PROSER2: variants seen among roughly 807,000 people sequenced by gnomAD.
PROSER2 encodes proline and serine rich 2.
A neutral mutation model predicts 14.6 loss-of-function variants in PROSER2; 18 were observed. The observed-to-expected ratio is 1.23, with a 90% CI of 0.85 to 1.83. The LOEUF is 1.83. Ranked by LOEUF, PROSER2 falls within the 40% of genes most tolerant of loss-of-function variation. The probability of loss-of-function intolerance (pLI) is 0.00; values close to 1 mark genes in which losing one functional copy is unlikely to be tolerated. For synonymous variants in PROSER2, 367 were observed against 286.4 expected (o/e 1.28, Z -2.84); for missense variants, 823 against 629.8 (o/e 1.31, Z -3.28).
intron 1 of PROSER2, chr10:11,850,431 A>G (rs10906027): frequency 0.25 from 37,301 of 152,182 alleles, 4,792 homozygotes; most frequent in East Asian, 0.36. Context: ...CGGGATGGGA[A>G]AAGGAGGGCT....
chr10:11,869,899 C>G lies in PROSER2; in HGVS notation c.801C>G (p.Pro267=). ...IIVTNGAARE[P]RRTLSRAAVS... is the part of the protein sequence containing the mutation. Reference sequence around the variant, plus strand: ...TCACCAACGGCGCGGCCCGGGAGCCCCGCAGGACCCTGTCCAGGGCGGCCG... The same window carrying G: ...TCACCAACGGCGCGGCCCGGGAGCCGCGCAGGACCCTGTCCAGGGCGGCCG... Residue 267 remains proline, a synonymous_variant, in exon 4 of 4, where the codon CCC becomes CCG. Coordinates refer to ENST00000277570, the MANE Select transcript of PROSER2 (RefSeq NM_153256.4). The surrounding 1 kb of genome is among the most constrained non-coding windows in gnomAD (Gnocchi z 4.4). 6.3e-7 allele frequency: 1 copy of G among 1,587,574 alleles called. No individual in the cohort carries two copies. Among genetic ancestry groups the G allele is most frequent in the Non-Finnish European group, 8.5e-7 (1 of 1,169,786 alleles).
At chr10:11,827,989 CTT>C (rs1480966497) in intron 1 of PROSER2, among the ~76,000 whole-genome samples, 1 of 152,012 alleles carries the variant, frequency 6.6e-6, no homozygotes, top group Non-Finnish European at 1.5e-5. Flanking sequence ...ATACATGTCT[CTT>C]TGTGATGTGC....
At chr10:11,863,233 T>C (rs948750698) in intron 2 of PROSER2, among the ~76,000 whole-genome samples, 2 of 152,160 alleles carry the variant, frequency 1.3e-5, no homozygotes, top group Admixed American at 6.6e-5. Flanking sequence ...AACTATAGTC[T>C]CTGAAATTGT....
chr10:11,869,496 C>T lies in PROSER2; in HGVS notation c.398C>T (p.Ala133Val). Residue 133 changes from alanine to valine, a missense_variant, in exon 4 of 4, where the codon GCA (alanine) becomes GTA (valine). Coordinates refer to ENST00000277570, the MANE Select transcript of PROSER2 (RefSeq NM_153256.4). This position sits in a 1 kb window ranked among gnomAD's most constrained non-coding sequence, Gnocchi z 4.4. ...LPEGTQAAGP[A>V]PAGKEHRKQD... ...CTCCTCCCTTGTCTTCCAGGGCCTG[C>T]ACCTGCTGGGAAGGAGCACAGGAAA... 1.2e-6 allele frequency: 2 copies of T among 1,612,750 alleles called. No individual in the cohort carries two copies. Among genetic ancestry groups the T allele is most frequent in the African/African-American group, 1.3e-5 (1 of 74,960 alleles).
At chr10:11,857,910 C>G (rs148235483) in intron 2 of PROSER2, among the ~76,000 whole-genome samples, 145 of 152,240 alleles carry the variant, frequency 9.5e-4, no homozygotes, top group Non-Finnish European at 1.5e-3. Context: ...CCACAATTGT[C>G]TTAGTCTGCA....
chr10:11,848,815 A>AC (rs1833966628), intron 1 of PROSER2, among the ~76,000 whole-genome samples: 1 of 152,192 alleles, frequency 6.6e-6, no homozygotes, highest in Non-Finnish European at 1.5e-5. Context: ...AAACAGGCTT[A>AC]CATTTCCACA....
rs1425858794 is a variant in PROSER2, at chr10:11,866,731, AGCACCTGGC to A, written c.342_350del (p.Pro115_Ala117del). On this transcript the variant is annotated inframe_deletion, in exon 3 of 4. Coordinates refer to ENST00000277570, the MANE Select transcript of PROSER2 (RefSeq NM_153256.4). The surrounding 1 kb of genome is among the most constrained non-coding windows in gnomAD (Gnocchi z 6.0). The stretch of plus-strand genomic sequence containing the variant: ...AAGATGTCATCGACTTAGTGCAGCC[AGCACCTGGC>A]GCCGGGGAAGCCGAGGGCCTTCCAG... The A allele has an allele frequency of 5.0e-6, 8 of 1,613,730 alleles. No individual in the cohort carries two copies. The highest frequency in any genetic ancestry group is 6.8e-6 in the Non-Finnish European group (8 of 1,179,972).
chr10:11,862,893 C>T lies in PROSER2; in HGVS notation c.139-3638C>T. ...CACTGAAAATCACAGTGAAATATGA[C>T]TGCATTCCTCTCCTTCAGGGCGCTA... On this transcript the variant is annotated intron_variant, in intron 2 of 3. Transcript: ENST00000277570. The surrounding 1 kb of genome is among the most constrained non-coding windows in gnomAD (Gnocchi z 4.2). 6.6e-6 allele frequency: 1 copy of T among 152,154 alleles called. No homozygotes were observed. Among genetic ancestry groups the T allele is most frequent in the Non-Finnish European group, 1.5e-5 (1 of 68,042 alleles). 9.4% of individuals were successfully genotyped at this position (152,154 alleles called of 1,614,324 possible).
Position 11,829,113 on chromosome 10 carries a change from G to A in PROSER2, c.-82+5643G>A, listed in dbSNP as rs750502180. ...GTTGCAGTGGCAGATCTTGTTTCCC[G>A]GCTCTCCTGTGGAGTAGACGTTTAC... On this transcript the variant is annotated intron_variant, in intron 1 of 3. Coordinates refer to ENST00000277570, the MANE Select transcript of PROSER2 (RefSeq NM_153256.4). 1.1e-4 allele frequency among the ~76,000 whole-genome samples: 16 copies of A among 152,026 alleles called. No homozygotes were observed. The South Asian group carries it at 1.7e-3, about 16-fold the overall frequency.
In PROSER2 at chr10:11,872,256, AAATTT is replaced by A. The variant is rs1834503141; in HGVS notation, c.*1853_*1857del. The A allele has an allele frequency of 6.6e-6, 1 of 152,230 alleles. No individual in the cohort carries two copies. Among genetic ancestry groups the A allele is most frequent in the African/African-American group, 2.4e-5 (1 of 41,454 alleles). The allele number at this position is 152,230 out of a possible 1,614,324, so 9.4% of individuals were successfully genotyped here. The stretch of plus-strand genomic sequence containing the variant: ...TGCCATAATCACATTTTTGAAAAAT[AAATTT>A]AAGAGTTTTTTCTTAAGTAAGCTTG... On this transcript the variant is annotated 3_prime_UTR_variant, in exon 4 of 4. Transcript: ENST00000277570.
rs1199417841 is a variant in PROSER2 at position 11,823,610 on chromosome 10, C to T, written c.-82+140C>T. On this transcript the variant is annotated intron_variant, in intron 1 of 3. Transcript: ENST00000277570. The surrounding 1 kb of genome is among the most constrained non-coding windows in gnomAD (Gnocchi z 6.2). ...CCGGACCCTGCCTTGGCGCGCTCCT[C>T]GCTCTGACTAGGGGAGCCCGGCGCC... is the stretch of plus-strand genomic sequence containing the variant. 1 of 152,024 alleles carries T rather than the reference C, an allele frequency of 6.6e-6. No homozygotes were observed. Among genetic ancestry groups the T allele is most frequent in the Non-Finnish European group, 1.5e-5 (1 of 68,030 alleles). The allele number at this position is 152,024 out of a possible 1,614,324, so 9.4% of individuals were successfully genotyped here.
At chr10:11,847,401 G>A (rs1833938934) in intron 1 of PROSER2, among the ~76,000 whole-genome samples, 1 of 151,372 alleles carries the variant, frequency 6.6e-6, no homozygotes, top group African/African-American at 2.5e-5. Context: ...TCCTTATTCT[G>A]TTTTGTTGTT....
intron 1 of PROSER2, among the ~76,000 whole-genome samples, chr10:11,848,059 C>T (rs1459290361): frequency 6.6e-6 from 1 of 152,218 alleles, no homozygotes; most frequent in African/African-American, 2.4e-5. Context: ...CAGCCATGGT[C>T]ATTTTCCTTG....
rs1834421702 is a variant in PROSER2 at position 11,869,553 on chromosome 10, C to T, written c.455C>T (p.Pro152Leu). The change falls in exon 4 of 4, where the codon CCC becomes CTC. Residue 152 changes from proline to leucine, a missense_variant. Coordinates refer to ENST00000277570, the MANE Select transcript of PROSER2 (RefSeq NM_153256.4). The surrounding 1 kb of genome is among the most constrained non-coding windows in gnomAD (Gnocchi z 4.4). The part of the protein sequence containing the change: ...QDAETPPPPD[P>L]PAPETLLAPP... Reference sequence around the variant, plus strand: ...GCTGAGACTCCTCCACCTCCAGACCCCCCGGCTCCCGAGACCCTTCTTGCG... The same window carrying T: ...GCTGAGACTCCTCCACCTCCAGACCTCCCGGCTCCCGAGACCCTTCTTGCG... 6.2e-7 allele frequency: 1 copy of T among 1,613,554 alleles called. No individual in the cohort carries two copies. The highest frequency in any genetic ancestry group is 8.5e-7 in the Non-Finnish European group (1 of 1,179,550).
chr10:11,843,186 C>T (rs1833874216), intron 1 of PROSER2, among the ~76,000 whole-genome samples: 2 of 149,926 alleles, frequency 1.3e-5, no homozygotes, highest in Non-Finnish European at 3.0e-5. Context: ...GTGATCCGCC[C>T]ACCTCGGCCT....
At chr10:11,854,589 G>A (rs1200003227) in intron 2 of PROSER2, among the ~76,000 whole-genome samples, 3 of 151,128 alleles carry the variant, frequency 2.0e-5, no homozygotes, top group African/African-American at 7.3e-5. Context: ...GGGATTATAG[G>A]CATGAGCCAC....
Position 11,871,460 on chromosome 10 carries a change from T to C in PROSER2, c.*1054T>C, listed in dbSNP as rs1335427162. ...AAGAAGGAACTTTTTAGAAAACTAA[T>C]CTCCTTTATCATCCAATTTTAGTTC... On this transcript the variant is annotated 3_prime_UTR_variant, in exon 4 of 4. Coordinates refer to ENST00000277570, the MANE Select transcript of PROSER2 (RefSeq NM_153256.4). The C allele has an allele frequency of 1.3e-5, 2 of 152,194 alleles. No homozygotes were observed. The highest frequency in any genetic ancestry group is 1.5e-5 in the Non-Finnish European group (1 of 68,036). The allele number at this position is 152,194 out of a possible 1,614,324, so 9.4% of individuals were successfully genotyped here.
At chr10:11,853,505 T>G (rs1687898907) in intron 2 of PROSER2, among the ~76,000 whole-genome samples, 1 of 152,126 alleles carries the variant, frequency 6.6e-6, no homozygotes, top group Non-Finnish European at 1.5e-5. Flanking sequence ...GGAGAATCAC[T>G]TGAACCAGGA....
chr10:11,846,941 G>T (rs527608773), intron 1 of PROSER2, among the ~76,000 whole-genome samples: 21 of 151,810 alleles, frequency 1.4e-4, no homozygotes, highest in Admixed American at 1.2e-3. Flanking sequence ...GTGGGGTCGG[G>T]GGGCATCTCT....
Sources: gnomAD v4.1 joint callset for allele counts (sites outside exome capture counted in the v4.1 genomes callset) on GRCh38, gnomAD v4.1.1 for gene constraint, Gnocchi (gnomAD v3.1) non-coding constraint, MANE v1.5 for transcripts, NCBI Gene and HGNC (gene_info 2026-07-23, HGNC 2026-07-21) for gene names.